Variants in DPP6 observed in about 807,000 individuals in gnomAD.
DPP6 encodes dipeptidyl peptidase like 6, also known as A-type potassium channel modulatory protein DPP6.
DPP6 carries 69 observed loss-of-function variants against 122.6 expected under a neutral mutation model. The observed-to-expected ratio is 0.56, with a 90% CI of 0.46 to 0.69. DPP6 has a LOEUF of 0.69. Ranked by LOEUF, DPP6 falls within the 30% of genes least tolerant of loss-of-function variation. DPP6 has a pLI of 0.00. For synonymous variants in DPP6, 418 were observed against 433.1 expected, an observed-to-expected ratio of 0.97 and a Z score of 0.43; for missense variants, 928 against 1,116.9, an observed-to-expected ratio of 0.83 and a Z score of 2.41.
intron 4 of DPP6, among the ~76,000 whole-genome samples, chr7:154,550,681 G>A (rs1219529022): frequency 6.6e-6 from 1 of 151,028 alleles, no homozygotes; most frequent in East Asian, 1.9e-4. Context: ...CTAAGTAAGT[G>A]TAAACACATC....
At chr7:154,872,099 C>T (rs1177924074) in intron 18 of DPP6, among the ~76,000 whole-genome samples, 1 of 152,196 alleles carries the variant, frequency 6.6e-6, no homozygotes, top group African/African-American at 2.4e-5. Flanking sequence ...AACCTGCCAA[C>T]AGCAAGACCC....
At chr7:154,737,007 G>GA (rs1842598526) in intron 8 of DPP6, among the ~76,000 whole-genome samples, 1 of 152,190 alleles carries the variant, frequency 6.6e-6, no homozygotes, top group Admixed American at 6.5e-5. Context: ...AAGGATAAAG[G>GA]AAAAAACTGG....
At chr7:154,128,979 T>C (rs565374623) in intron 1 of DPP6, among the ~76,000 whole-genome samples, 74 of 152,122 alleles carry the variant, frequency 4.9e-4, no homozygotes, top group Non-Finnish European at 9.0e-4. Flanking sequence ...TGGTGAGTAC[T>C]GTCAGTTGAG....
intron 5 of DPP6, among the ~76,000 whole-genome samples, chr7:154,589,543 A>G (rs985940638): frequency 1.3e-5 from 2 of 152,238 alleles, no homozygotes; most frequent in Non-Finnish European, 2.9e-5. Context: ...GAAATGGTCT[A>G]CAGTTGCACT....
At chr7:153,781,134 G>T in the DPP6 span, among the ~76,000 whole-genome samples, 5 of 152,142 alleles carry the variant, frequency 3.3e-5, no homozygotes, top group African/African-American at 1.2e-4. Flanking sequence ...TTTTAATGCA[G>T]ATTAATGAAT....
At chr7:154,381,962 C>T (rs1416996345) in intron 1 of DPP6, among the ~76,000 whole-genome samples, 1 of 152,098 alleles carries the variant, frequency 6.6e-6, no homozygotes, top group Non-Finnish European at 1.5e-5. Flanking sequence ...AGGCCCTGTG[C>T]TGCAGGTAAA....
the DPP6 span, among the ~76,000 whole-genome samples, chr7:153,765,413 G>T: frequency 6.6e-6 from 1 of 152,036 alleles, no homozygotes; most frequent in East Asian, 1.9e-4. Flanking sequence ...ATGGTGGCGG[G>T]CACCTGTAAT....
chr7:153,807,201 T>G, the DPP6 span, among the ~76,000 whole-genome samples: 1 of 151,764 alleles, frequency 6.6e-6, no homozygotes, highest in South Asian at 2.1e-4. Flanking sequence ...TCACCTGAGG[T>G]CAGGAGTTCA....
At chr7:154,191,812 C>T (rs527469719) in intron 1 of DPP6, among the ~76,000 whole-genome samples, 1 of 152,278 alleles carries the variant, frequency 6.6e-6, no homozygotes, top group South Asian at 2.1e-4. Flanking sequence ...CTGTTCTTAC[C>T]TGGCCTTCTT....
At chr7:154,296,769 G>T (rs551573691) in intron 1 of DPP6, among the ~76,000 whole-genome samples, 52 of 152,342 alleles carry the variant, frequency 3.4e-4, no homozygotes, top group Non-Finnish European at 5.9e-4. Context: ...AGTGGGTATG[G>T]ATTTGGTGAA....
intron 1 of DPP6, among the ~76,000 whole-genome samples, chr7:153,980,097 T>C (rs1303473758): frequency 6.6e-6 from 1 of 152,206 alleles, no homozygotes; most frequent in African/African-American, 2.4e-5. Context: ...TTCTATTGTT[T>C]GGAATAGTTT....
chr7:154,180,381 ATATAAATATATATATATG>A (rs1393842888), intron 1 of DPP6, among the ~76,000 whole-genome samples: 5 of 145,590 alleles, frequency 3.4e-5, no homozygotes, highest in Middle Eastern at 3.6e-3. Context: ...CAAAATATAT[ATATAAATATATATATATG>A]TATAAATATA....
At chr7:154,440,739 T>C (rs1290213226) in intron 1 of DPP6, among the ~76,000 whole-genome samples, 1 of 152,144 alleles carries the variant, frequency 6.6e-6, no homozygotes, top group Non-Finnish European at 1.5e-5. Context: ...GAGAAATAAT[T>C]TACTTCACTT....
intron 1 of DPP6, among the ~76,000 whole-genome samples, chr7:154,120,821 G>T (rs1807394990): frequency 6.6e-6 from 1 of 152,202 alleles, no homozygotes; most frequent in Admixed American, 6.5e-5. Flanking sequence ...TCCAATGAAA[G>T]GGTTTTCAAC....
At chr7:154,153,979 T>G (rs1296936532) in intron 1 of DPP6, among the ~76,000 whole-genome samples, 1 of 152,194 alleles carries the variant, frequency 6.6e-6, no homozygotes, top group Non-Finnish European at 1.5e-5. Context: ...CATAGTTCAA[T>G]TAGCAGCTGA....
intron 1 of DPP6, among the ~76,000 whole-genome samples, chr7:153,912,312 G>A (rs1033810806): frequency 6.6e-6 from 1 of 152,190 alleles, no homozygotes; most frequent in Admixed American, 6.5e-5. Flanking sequence ...CGTCGCAAAG[G>A]ATGCAGAGGA....
chr7:154,430,818 C>T (rs749589598), intron 1 of DPP6, among the ~76,000 whole-genome samples: 2 of 151,314 alleles, frequency 1.3e-5, no homozygotes, highest in Non-Finnish European at 2.9e-5. Flanking sequence ...TATGAGCTTC[C>T]AGGAGTTTAA....
intron 1 of DPP6, among the ~76,000 whole-genome samples, chr7:154,127,731 C>T (rs1489630181): frequency 6.6e-6 from 1 of 152,056 alleles, no homozygotes; most frequent in African/African-American, 2.4e-5. Flanking sequence ...GGCATCGTTG[C>T]CCAGCGTTGG....
intron 1 of DPP6, among the ~76,000 whole-genome samples, chr7:154,279,385 G>A (rs1031960608): frequency 1.2e-4 from 19 of 152,126 alleles, no homozygotes; most frequent in Non-Finnish European, 1.9e-4. Flanking sequence ...TTTTCTTATT[G>A]GTCCAAAGAC....
Sources: gnomAD v4.1 joint callset for allele counts (sites outside exome capture counted in the v4.1 genomes callset) on GRCh38, gnomAD v4.1.1 for gene constraint, MANE v1.5 for transcripts, NCBI Gene and HGNC (gene_info 2026-07-23, HGNC 2026-07-21) for gene names.